The following SLC35F3 variants were observed in gnomAD, a reference collection of about 807,000 sequenced individuals.
The protein encoded by SLC35F3 is putative thiamine transporter SLC35F3.
In SLC35F3, 25 loss-of-function variants were observed where a neutral mutation model predicts 49.9. The observed-to-expected ratio is 0.50, with a 90% confidence interval of 0.37 to 0.70. The LOEUF is 0.70. Among genes scored for constraint, SLC35F3 ranks in the 30% least tolerant of loss-of-function variants. SLC35F3 has a pLI of 0.00. For missense variants in SLC35F3, 525 were observed against 639.8 expected, an observed-to-expected ratio of 0.82 and a Z score of 1.94; for synonymous variants, 275 against 265.4, an observed-to-expected ratio of 1.04 and a Z score of -0.35.
intron 2 of SLC35F3, among the ~76,000 whole-genome samples, chr1:234,192,249 C>T (rs765432758): frequency 8.5e-5 from 13 of 152,050 alleles, no homozygotes; most frequent in African/African-American, 1.2e-4. Flanking sequence ...AAAGATAATC[C>T]ACCATAATCA....
intron 3 of SLC35F3, among the ~76,000 whole-genome samples, chr1:234,275,150 T>G (rs975284831): frequency 2.0e-5 from 3 of 152,208 alleles, no homozygotes; most frequent in African/African-American, 7.2e-5. Context: ...CCTCATTTGA[T>G]GCGTCACAGT....
intron 2 of SLC35F3, among the ~76,000 whole-genome samples, chr1:234,229,329 G>A (rs1667333070): frequency 1.5e-5 from 2 of 132,014 alleles, no homozygotes; most frequent in Admixed American, 6.7e-5. Flanking sequence ...GGTTCTAAGT[G>A]TCTTAATTTT....
intron 2 of SLC35F3, among the ~76,000 whole-genome samples, chr1:233,920,130 A>G (rs974010178): frequency 5.3e-5 from 8 of 152,216 alleles, no homozygotes; most frequent in Non-Finnish European, 7.3e-5. Flanking sequence ...CTCAAGGTGA[A>G]TATATGAGAA....
chr1:233,920,026 T>G (rs959744544), intron 2 of SLC35F3, among the ~76,000 whole-genome samples: 1 of 152,184 alleles, frequency 6.6e-6, no homozygotes, highest in African/African-American at 2.4e-5. Flanking sequence ...TAGGAGGGTG[T>G]TGTTAATGCC....
chr1:233,915,762 A>G (rs11810035), intron 2 of SLC35F3, among the ~76,000 whole-genome samples: 60 of 152,236 alleles, frequency 3.9e-4, no homozygotes, highest in Admixed American at 1.0e-3. Context: ...TCTTACATGG[A>G]TGGCTGCAGG....
intron 2 of SLC35F3, among the ~76,000 whole-genome samples, chr1:234,179,732 ATT>A (rs1377168877): frequency 1.3e-5 from 2 of 152,146 alleles, no homozygotes; most frequent in East Asian, 1.9e-4. Context: ...ATTTTTACCA[ATT>A]ATGTTAAAAA....
At chr1:234,159,454 A>G (rs1197841934) in intron 2 of SLC35F3, among the ~76,000 whole-genome samples, 1 of 152,024 alleles carries the variant, frequency 6.6e-6, no homozygotes, top group East Asian at 1.9e-4. Context: ...GCAGGTGCCT[A>G]TAATCCCAGC....
At chr1:233,944,291 T>C (rs1662478617) in intron 2 of SLC35F3, among the ~76,000 whole-genome samples, 1 of 152,214 alleles carries the variant, frequency 6.6e-6, no homozygotes, top group South Asian at 2.1e-4. Flanking sequence ...CTGCTAGCTG[T>C]AATGTTTTAA....
chr1:234,049,396 C>CTGTG (rs143051426), intron 2 of SLC35F3, among the ~76,000 whole-genome samples: 5 of 151,470 alleles, frequency 3.3e-5, no homozygotes, highest in Non-Finnish European at 7.4e-5. Flanking sequence ...TCCCCCTCTC[C>CTGTG]TGTGTGTGTG....
At chr1:234,259,241 C>A (rs927940602) in intron 3 of SLC35F3, among the ~76,000 whole-genome samples, 6 of 152,192 alleles carry the variant, frequency 3.9e-5, no homozygotes, top group African/African-American at 1.4e-4. Flanking sequence ...CTTTAAAAGA[C>A]CTTCTATTCG....
chr1:233,982,411 G>T (rs1663201127), intron 2 of SLC35F3, among the ~76,000 whole-genome samples: 1 of 151,744 alleles, frequency 6.6e-6, no homozygotes, highest in South Asian at 2.1e-4. Flanking sequence ...TTTTGCTCTT[G>T]TTGCCCAGGC....
chr1:234,029,652 T>C (rs1480878437), intron 2 of SLC35F3, among the ~76,000 whole-genome samples: 4 of 152,206 alleles, frequency 2.6e-5, no homozygotes, highest in Non-Finnish European at 5.9e-5. Context: ...GGTTTCTTCC[T>C]ATTTTCCACC....
intron 2 of SLC35F3, among the ~76,000 whole-genome samples, chr1:234,010,128 G>T (rs902136348): frequency 3.3e-5 from 5 of 152,132 alleles, no homozygotes; most frequent in African/African-American, 1.2e-4. Flanking sequence ...CTAGTACGAG[G>T]CTTAAAAGAA....
At chr1:234,223,959 G>C (rs1284457519) in intron 2 of SLC35F3, among the ~76,000 whole-genome samples, 2 of 152,180 alleles carry the variant, frequency 1.3e-5, no homozygotes, top group African/African-American at 2.4e-5. Flanking sequence ...GAGAGAGATA[G>C]AAAACAAACT....
chr1:234,257,633 T>A (rs1667840446), intron 3 of SLC35F3, among the ~76,000 whole-genome samples: 1 of 152,204 alleles, frequency 6.6e-6, no homozygotes, highest in Admixed American at 6.5e-5. Flanking sequence ...TAATTTTATG[T>A]TAGGGTGAAT....
intron 2 of SLC35F3, among the ~76,000 whole-genome samples, chr1:234,097,323 G>T (rs897260749): frequency 3.3e-5 from 5 of 152,054 alleles, no homozygotes; most frequent in African/African-American, 1.2e-4. Context: ...AAAATCACTT[G>T]TACCCCAAAG....
chr1:234,136,082 T>C (rs1665806363), intron 2 of SLC35F3, among the ~76,000 whole-genome samples: 1 of 152,214 alleles, frequency 6.6e-6, no homozygotes, highest in Admixed American at 6.5e-5. Context: ...TCTCTGGTTT[T>C]CAGAGATGTT....
chr1:233,975,101 T>C (rs12045592), intron 2 of SLC35F3, among the ~76,000 whole-genome samples: 35,016 of 152,104 alleles, frequency 0.23, 4,132 homozygotes, highest in East Asian at 0.38. Context: ...CCAGGCCCCA[T>C]TCCCAGAGAG....
chr1:233,952,727 G>C (rs953502349), intron 2 of SLC35F3, among the ~76,000 whole-genome samples: 5 of 152,150 alleles, frequency 3.3e-5, no homozygotes, highest in African/African-American at 1.2e-4. Flanking sequence ...TCTTCACTCT[G>C]TTTGTAACCC....
Sources: allele counts gnomAD v4.1 joint callset (sites outside exome capture counted in the v4.1 genomes callset), GRCh38; gene constraint gnomAD v4.1.1; transcripts MANE v1.5; gene names NCBI Gene and HGNC (gene_info 2026-07-23, HGNC 2026-07-21).